Variants in PSMB1 observed in about 807,000 individuals in gnomAD.
PSMB1 encodes proteasome 20S subunit beta 1, also known as proteasome subunit beta type-1.
In PSMB1, 7 loss-of-function variants were observed where a neutral mutation model predicts 25.4. The observed-to-expected ratio is 0.28, with a 90% confidence interval of 0.16 to 0.52. The LOEUF is 0.52. PSMB1 is among the 20% of genes least tolerant of loss of function. The pLI is 0.97. For synonymous variants in PSMB1, 119 were observed against 115.0 expected, an observed-to-expected ratio of 1.03 and a Z score of -0.22; for missense variants, 284 against 302.2, an observed-to-expected ratio of 0.94 and a Z score of 0.45.
chr6:170,538,809 C>T (rs1016358619), intron 4 of PSMB1, among the ~76,000 whole-genome samples: 4 of 152,160 alleles, frequency 2.6e-5, no homozygotes, highest in Admixed American at 6.5e-5. Flanking sequence ...TGGGACAAGA[C>T]ATGAGATCAC....
Position 170,536,332 on chromosome 6 carries a change from T to TA in PSMB1, c.540+901dup, listed in dbSNP as rs535670863. ...TACACATAAACTGATTATAAAAAGT[T>TA]AAAGTGATCTCTCAATGTTCTCCTT... On this transcript the variant is annotated intron_variant, in intron 5 of 5. Transcript: ENST00000262193. 3.8e-4 allele frequency: 169 copies of TA among 446,850 alleles called. 1 individual carries two copies. Among genetic ancestry groups the TA allele is most frequent in the South Asian group, 2.6e-3 (162 of 63,134 alleles). The allele number at this position is 446,850 out of a possible 1,614,324, so 27.7% of individuals were successfully genotyped here. A position where few individuals can be genotyped will look rare whatever the true frequency, so the allele number is the denominator to read the frequency against.
At chr6:170,549,145 G>A (rs756185585) in intron 1 of PSMB1, 32 bp from the exon 2 acceptor site, 5 of 1,331,248 alleles carry the variant, frequency 3.8e-6, no homozygotes, top group South Asian at 1.2e-5. Context: ...TAATTCTCCA[G>A]GGTGGTAATC....
chr6:170,536,483 A>C, intron 5 of PSMB1: 1 of 456,684 alleles, frequency 2.2e-6, no homozygotes. Context: ...CACAAGAAAA[A>C]GCTGAATTGC....
intron 1 of PSMB1, among the ~76,000 whole-genome samples, chr6:170,550,878 T>A (rs544253274): frequency 1.7e-5 from 2 of 119,238 alleles, no homozygotes; most frequent in Admixed American, 2.1e-4. Context: ...GGCTCACACC[T>A]GTAATCCCAA....
chr6:170,536,586 G>C, intron 5 of PSMB1: 1 of 434,084 alleles, frequency 2.3e-6, no homozygotes, highest in Non-Finnish European at 4.6e-6. Context: ...TAAACTTACA[G>C]TATCAACAAA....
chr6:170,538,995 T>C (rs553689493), intron 4 of PSMB1, among the ~76,000 whole-genome samples: 2 of 151,546 alleles, frequency 1.3e-5, no homozygotes, highest in East Asian at 3.9e-4. Context: ...TTTAAAAAAA[T>C]AAACCAAAGA....
chr6:170,551,349 G>C (rs1044509024), intron 1 of PSMB1, among the ~76,000 whole-genome samples: 2 of 152,124 alleles, frequency 1.3e-5, no homozygotes, highest in East Asian at 3.8e-4. Flanking sequence ...AAAGAGTGCT[G>C]AGCGATAAAC....
intron 4 of PSMB1, among the ~76,000 whole-genome samples, chr6:170,541,685 C>T (rs1778760607): frequency 6.6e-6 from 1 of 152,164 alleles, no homozygotes; most frequent in African/African-American, 2.4e-5. Flanking sequence ...GTTTAAAGAA[C>T]ACTTAAAAGC....
In PSMB1 at chr6:170,553,254, G is replaced by T. The variant is rs745583589; in HGVS notation, c.-12C>A. Reference sequence around the variant, plus strand: ...GTAGAGGACAACATCGCACGGCTGCGCCTGCGGATCCGACACTTGCTGTCT... The same window carrying T: ...GTAGAGGACAACATCGCACGGCTGCTCCTGCGGATCCGACACTTGCTGTCT... On this transcript the variant is annotated 5_prime_UTR_variant, in exon 1 of 6. Transcript: ENST00000262193. 1.9e-6 allele frequency: 3 copies of T among 1,583,524 alleles called. No homozygotes were observed. The highest frequency in any genetic ancestry group is 3.4e-5 in the Admixed American group (2 of 58,516).
In PSMB1 at chr6:170,535,231, T is replaced by C; in HGVS notation, c.715A>G (p.Arg239Gly). 6.2e-7 allele frequency: 1 copy of C among 1,614,064 alleles called. No homozygotes were observed. Among genetic ancestry groups the C allele is most frequent in the Non-Finnish European group, 8.5e-7 (1 of 1,179,950 alleles). ...EGIREETVSL[R>G]KD ...TAAGAGCACACAGATCAGTCCTTCC[T>C]TAAGGAAACAGTTTCCTCCCTGATG... is the stretch of plus-strand genomic sequence containing the variant. Residue 239 changes from arginine to glycine, a missense_variant, in exon 6 of 6, where the codon AGG (arginine) becomes GGG (glycine). By Grantham distance (125) the Arg-to-Gly change is moderately radical. Coordinates refer to ENST00000262193, the MANE Select transcript of PSMB1 (RefSeq NM_002793.4).
At chr6:170,548,886 T>A in intron 2 of PSMB1, 120 bp downstream of exon 2, 1 of 711,974 alleles carries the variant, frequency 1.4e-6, no homozygotes, top group Non-Finnish European at 2.4e-6. Context: ...GGTTTTCTAA[T>A]AAAAATGCTC....
intron 5 of PSMB1, 82 bp from the exon 6 acceptor site, chr6:170,535,487 T>C: frequency 1.7e-6 from 2 of 1,183,718 alleles, no homozygotes; most frequent in Non-Finnish European, 2.4e-6. Flanking sequence ...AATACCCTCA[T>C]GTGTACGAGG....
At position 170,553,266 on chromosome 6, in the gene PSMB1, G is replaced by C. The variant is rs373030081; in HGVS notation, c.-24C>G. 56 of 1,555,856 alleles carry C rather than the reference G, an allele frequency of 3.6e-5. No homozygotes were observed. Among genetic ancestry groups the C allele is most frequent in the Non-Finnish European group, 4.6e-5 (52 of 1,134,842 alleles). ...ATCGCACGGCTGCGCCTGCGGATCC[G>C]ACACTTGCTGTCTCACGGCGAGATG... is the stretch of plus-strand genomic sequence containing the variant. On this transcript the variant is annotated 5_prime_UTR_variant, in exon 1 of 6. Transcript: ENST00000262193.
chr6:170,540,853 A>T (rs1778750480), intron 4 of PSMB1, among the ~76,000 whole-genome samples: 1 of 152,132 alleles, frequency 6.6e-6, no homozygotes, highest in Admixed American at 6.5e-5. Flanking sequence ...AACAAAAAAG[A>T]CAGACATGGA....
intron 2 of PSMB1, 54 bp from the exon 3 acceptor site, chr6:170,546,238 T>C (rs1778816955): frequency 2.9e-6 from 4 of 1,397,434 alleles, no homozygotes; most frequent in Non-Finnish European, 4.0e-6. Context: ...GAGCAAAACA[T>C]ATCTTCGGCA....
At chr6:170,536,183 A>G in intron 5 of PSMB1, 1 of 327,444 alleles carries the variant, frequency 3.1e-6, no homozygotes, top group Non-Finnish European at 6.0e-6. Flanking sequence ...GAGACTCGCA[A>G]CACTTTGAAA....
At chr6:170,544,028 G>A (rs1778787094) in intron 3 of PSMB1, among the ~76,000 whole-genome samples, 1 of 152,130 alleles carries the variant, frequency 6.6e-6, no homozygotes, top group South Asian at 2.1e-4. Flanking sequence ...TAAGGAAGAT[G>A]GGTTTAAATC....
intron 1 of PSMB1, among the ~76,000 whole-genome samples, chr6:170,552,743 A>AT (rs1169070871): frequency 3.9e-5 from 6 of 152,244 alleles, no homozygotes; most frequent in African/African-American, 1.4e-4. Context: ...GCCGGCTGGC[A>AT]TAAGAAACGT....
At chr6:170,541,113 T>C (rs1313073845) in intron 4 of PSMB1, among the ~76,000 whole-genome samples, 1 of 151,866 alleles carries the variant, frequency 6.6e-6, no homozygotes, top group Non-Finnish European at 1.5e-5. Context: ...GCCTCTAAAA[T>C]AAGGAAATAA....
Sources: gnomAD v4.1 joint callset for allele counts (sites outside exome capture counted in the v4.1 genomes callset) on GRCh38, gnomAD v4.1.1 for gene constraint, MANE v1.5 for transcripts, NCBI Gene and HGNC (gene_info 2026-07-23, HGNC 2026-07-21) for gene names.